RPGRIP1L: variants seen among roughly 807,000 people sequenced by gnomAD.
The protein encoded by RPGRIP1L is protein fantom.
Under a neutral mutation model 160.4 loss-of-function variants are expected in RPGRIP1L, and 131 were observed. That is an observed-to-expected ratio of 0.82 (90% CI 0.71 to 0.94). The LOEUF (loss-of-function observed/expected upper bound fraction) is 0.94, where lower values mean the gene tolerates loss of function less well. Among genes scored for constraint, RPGRIP1L ranks in the 40% least tolerant of loss-of-function variants. The probability of loss-of-function intolerance (pLI) is 0.00; values close to 1 mark genes in which losing one functional copy is unlikely to be tolerated. For synonymous variants in RPGRIP1L, 510 were observed against 515.8 expected, an observed-to-expected ratio of 0.99 and a Z score of 0.15; for missense variants, 1,522 against 1,535.8, an observed-to-expected ratio of 0.99 and a Z score of 0.15.
rs563837679 is a variant in RPGRIP1L, at chr16:53,688,273, C to A, written c.530-308G>T. On this transcript the variant is annotated intron_variant, in intron 4 of 26. Transcript: ENST00000647211. ...GCAGTAATTTCTGAAATAAATCAGT[C>A]TTCTATTCAAGTTTTAACAATGTAA... 2.5e-4 allele frequency among the ~76,000 whole-genome samples: 38 copies of A among 152,062 alleles called. No individual in the cohort carries two copies. In the South Asian group the frequency reaches 7.9e-3, roughly 32 times the overall value.
At chr16:53,681,615 T>C (rs955603739) in intron 6 of RPGRIP1L, among the ~76,000 whole-genome samples, 2 of 152,150 alleles carry the variant, frequency 1.3e-5, no homozygotes, top group Admixed American at 6.5e-5. Flanking sequence ...TCTCCCAAAA[T>C]AGACCACAAC....
At chr16:53,629,731 T>C (rs187211519) in intron 22 of RPGRIP1L, among the ~76,000 whole-genome samples, 4 of 152,276 alleles carry the variant, frequency 2.6e-5, no homozygotes, top group Admixed American at 6.5e-5. Context: ...AACTCATGAG[T>C]TGGCAATTTT....
intron 1 of RPGRIP1L, among the ~76,000 whole-genome samples, chr16:53,703,049 AC>A (rs1235048075): frequency 6.6e-6 from 1 of 152,108 alleles, no homozygotes; most frequent in Non-Finnish European, 1.5e-5. Context: ...CGGGCGGCTG[AC>A]TTCAGGCCAG....
intron 8 of RPGRIP1L, 89 bp downstream of exon 8, chr16:53,672,781 A>G: frequency 8.5e-7 from 1 of 1,181,750 alleles, no homozygotes; most frequent in South Asian, 1.3e-5. Context: ...TTAAATAAGT[A>G]CAATTTTGAA....
chr16:53,681,406 A>G (rs771209278), intron 6 of RPGRIP1L, among the ~76,000 whole-genome samples: 8 of 152,102 alleles, frequency 5.3e-5, no homozygotes, highest in Non-Finnish European at 1.2e-4. Flanking sequence ...ACGTTCATGT[A>G]CATGTGTTCA....
At chr16:53,664,522 A>G (rs1968073129) in intron 10 of RPGRIP1L, among the ~76,000 whole-genome samples, 1 of 152,092 alleles carries the variant, frequency 6.6e-6, no homozygotes, top group Admixed American at 6.6e-5. Flanking sequence ...GTTTCTATTC[A>G]TTGCTGTATC....
At chr16:53,666,663 G>GA (rs112468194) in intron 9 of RPGRIP1L, among the ~76,000 whole-genome samples, 4 of 148,796 alleles carry the variant, frequency 2.7e-5, no homozygotes, top group South Asian at 2.1e-4. Flanking sequence ...GTACCACCCG[G>GA]AAAAAAAAAT....
Position 53,637,856 on chromosome 16 carries a change from T to C in RPGRIP1L, c.3061-2A>G, listed in dbSNP as rs1249036661. 6.2e-7 allele frequency: 1 copy of C among 1,612,038 alleles called. No homozygotes were observed. Among genetic ancestry groups the C allele is most frequent in the African/African-American group, 1.3e-5 (1 of 74,878 alleles). Reference sequence around the variant, plus strand: ...ATCTACACTGCCTTCTTGTGAAACCTGAAGAAATCAAAGCACACTGGTATA... The same window carrying C: ...ATCTACACTGCCTTCTTGTGAAACCCGAAGAAATCAAAGCACACTGGTATA... On this transcript the variant is annotated splice_acceptor_variant, in intron 20 of 26. Transcript: ENST00000647211. LOFTEE classifies it high-confidence loss of function.
chr16:53,602,049 T>TAGG lies in RPGRIP1L; in HGVS notation c.*24_*26dup, dbSNP rs1255903235. ...TTTCATGTGAGCATTTACTGAGGAG[T>TAGG]AGGAGATGCCTCTGGAGCATTTGCT... On this transcript the variant is annotated 3_prime_UTR_variant, in exon 27 of 27. Coordinates refer to ENST00000647211, the MANE Select transcript of RPGRIP1L (RefSeq NM_015272.5). The TAGG allele has an allele frequency of 1.5e-6, 2 of 1,294,054 alleles. No homozygotes were observed. Among genetic ancestry groups the TAGG allele is most frequent in the Non-Finnish European group, 2.2e-6 (2 of 891,188 alleles). 80.2% of individuals were successfully genotyped at this position (1,294,054 alleles called of 1,614,324 possible). A position where few individuals can be genotyped will look rare whatever the true frequency, so the allele number is the denominator to read the frequency against.
At chr16:53,668,835 T>C (rs1667896782) in intron 9 of RPGRIP1L, among the ~76,000 whole-genome samples, 1 of 152,214 alleles carries the variant, frequency 6.6e-6, no homozygotes, top group South Asian at 2.1e-4. Context: ...ACTTACTTCT[T>C]GGCAGTGTAT....
intron 6 of RPGRIP1L, among the ~76,000 whole-genome samples, chr16:53,680,239 T>C (rs566225238): frequency 7.3e-4 from 111 of 152,324 alleles, no homozygotes; most frequent in African/African-American, 2.5e-3. Flanking sequence ...GGGTGAATTC[T>C]AAACTGTTCA....
At chr16:53,620,746 G>A (rs140023218) in intron 23 of RPGRIP1L, among the ~76,000 whole-genome samples, 2 of 152,116 alleles carry the variant, frequency 1.3e-5, no homozygotes, top group Admixed American at 1.3e-4. Flanking sequence ...AAATGAAGTT[G>A]GCTCTATTGT....
chr16:53,700,398 GA>G (rs1200087035), intron 2 of RPGRIP1L, among the ~76,000 whole-genome samples: 2 of 152,128 alleles, frequency 1.3e-5, no homozygotes, highest in Non-Finnish European at 2.9e-5. Context: ...TTAAAAAGAT[GA>G]TTTATGTTAA....
At chr16:53,699,925 C>T (rs746010892) in intron 2 of RPGRIP1L, among the ~76,000 whole-genome samples, 3 of 151,580 alleles carry the variant, frequency 2.0e-5, no homozygotes, top group Non-Finnish European at 4.4e-5. Context: ...TTACACTGTT[C>T]TGATTGAAAA....
intron 17 of RPGRIP1L, among the ~76,000 whole-genome samples, chr16:53,645,374 TTAAA>T (rs1368303705): frequency 6.6e-6 from 1 of 151,932 alleles, no homozygotes; most frequent in African/African-American, 2.4e-5. Context: ...TTTAATTGAA[TTAAA>T]TATTTAATTA....
At chr16:53,639,688 T>A (rs1966081005) in intron 19 of RPGRIP1L, among the ~76,000 whole-genome samples, 1 of 152,142 alleles carries the variant, frequency 6.6e-6, no homozygotes, top group Non-Finnish European at 1.5e-5. Flanking sequence ...TCTCTAAACA[T>A]CACTTTCCCT....
rs62050412 is a variant in RPGRIP1L, at chr16:53,653,199, C to T, written c.1700-212G>A. ...TTATTAGGCAGCAACAAAATTGCAA[C>T]TTCAGTTTTAATATAGCCTAAGCCA... On this transcript the variant is annotated intron_variant, in intron 14 of 26. Coordinates refer to ENST00000647211, the MANE Select transcript of RPGRIP1L (RefSeq NM_015272.5). The T allele has an allele frequency of 0.036, 21,479 of 602,540 alleles. 577 individuals are homozygous for T. Among genetic ancestry groups the T allele is most frequent in the African/African-American group, 0.1 (5,079 of 49,800 alleles). The allele number at this position is 602,540 out of a possible 1,614,324, so 37.3% of individuals were successfully genotyped here.
chr16:53,698,051 G>A (rs181358748), intron 2 of RPGRIP1L, among the ~76,000 whole-genome samples: 2,011 of 149,320 alleles, frequency 0.013, 21 homozygotes, highest in Middle Eastern at 0.033. Context: ...CTGCCCGGCC[G>A]CAACCCTGTC....
chr16:53,651,384 T>C (rs186575620), intron 15 of RPGRIP1L, among the ~76,000 whole-genome samples: 4 of 152,318 alleles, frequency 2.6e-5, no homozygotes, highest in Admixed American at 6.5e-5. Flanking sequence ...GGTCCTATTT[T>C]CCCTCTTGCC....
Sources: gnomAD v4.1 joint callset for allele counts (sites outside exome capture counted in the v4.1 genomes callset) on GRCh38, gnomAD v4.1.1 for gene constraint, MANE v1.5 for transcripts, NCBI Gene and HGNC (gene_info 2026-07-23, HGNC 2026-07-21) for gene names.